IMMP2L: variants seen among roughly 807,000 people sequenced by gnomAD.
The protein encoded by IMMP2L is inner mitochondrial membrane peptidase subunit 2.
In IMMP2L, 18 loss-of-function variants were observed where a neutral mutation model predicts 19.3. The observed-to-expected ratio is 0.93, with a 90% CI of 0.64 to 1.38. IMMP2L has a LOEUF of 1.38. IMMP2L is among the 40% of genes most tolerant of loss of function. IMMP2L has a pLI of 0.00. For synonymous variants in IMMP2L, 76 were observed against 73.0 expected, an observed-to-expected ratio of 1.04 and a Z score of -0.21; for missense variants, 233 against 218.2, an observed-to-expected ratio of 1.07 and a Z score of -0.43.
At chr7:111,251,460 C>G (rs536190637) in intron 3 of IMMP2L, among the ~76,000 whole-genome samples, 1 of 152,132 alleles carries the variant, frequency 6.6e-6, no homozygotes, top group Non-Finnish European at 1.5e-5. Context: ...CACATATGTT[C>G]CATGCAGCAC....
chr7:111,425,886 A>G (rs1291584460), intron 3 of IMMP2L, among the ~76,000 whole-genome samples: 1 of 151,290 alleles, frequency 6.6e-6, no homozygotes, highest in Non-Finnish European at 1.5e-5. Context: ...AATCAAACAT[A>G]TAATTTATTC....
chr7:111,283,931 A>G (rs944512525), intron 3 of IMMP2L, among the ~76,000 whole-genome samples: 1 of 142,878 alleles, frequency 7.0e-6, no homozygotes, highest in Admixed American at 7.3e-5. Context: ...AGATCCCGCC[A>G]CTGCACTCCA....
chr7:110,882,909 C>T (rs1462902904), intron 5 of IMMP2L, among the ~76,000 whole-genome samples: 1 of 151,936 alleles, frequency 6.6e-6, no homozygotes, highest in South Asian at 2.1e-4. Flanking sequence ...ACATGTAACT[C>T]TTATTTCTCC....
intron 1 of IMMP2L, among the ~76,000 whole-genome samples, chr7:111,551,462 A>AGTATGTTAG (rs1849445085): frequency 2.0e-5 from 3 of 151,082 alleles, no homozygotes; most frequent in African/African-American, 7.3e-5. Context: ...AGTAACAAAT[A>AGTATGTTAG]GTATGTTAGG....
At chr7:111,448,028 C>T (rs1260624535) in intron 3 of IMMP2L, among the ~76,000 whole-genome samples, 2 of 144,300 alleles carry the variant, frequency 1.4e-5, no homozygotes, top group African/African-American at 5.5e-5. Flanking sequence ...TATATATGCA[C>T]CCAATACAGG....
rs572936789 is a variant in IMMP2L, at chr7:110,998,429, A to G, written c.240-34864T>C. Among the ~76,000 whole-genome samples, 5 of 152,328 alleles carry G rather than the reference A, an allele frequency of 3.3e-5. No homozygotes were observed. The South Asian group carries it at 6.2e-4, about 19-fold the overall frequency. ...GAATGAAGAGAAGATAGAGTTTTCT[A>G]GCACAAGGCAGATGATTCTCTTGCT... is the stretch of plus-strand genomic sequence containing the variant. On this transcript the variant is annotated intron_variant, in intron 3 of 5. Transcript: ENST00000405709.
chr7:111,083,652 G>C (rs1329159983), intron 3 of IMMP2L, among the ~76,000 whole-genome samples: 1 of 152,158 alleles, frequency 6.6e-6, no homozygotes, highest in African/African-American at 2.4e-5. Flanking sequence ...ACCAACCCCA[G>C]TTTCCTCTTC....
intron 4 of IMMP2L, among the ~76,000 whole-genome samples, chr7:110,932,518 G>C (rs947466792): frequency 5.9e-5 from 9 of 151,896 alleles, no homozygotes; most frequent in Admixed American, 2.6e-4. Context: ...CATGCCAGGT[G>C]ATTTTTTTGT....
At chr7:111,128,400 G>GT (rs1801522778) in intron 3 of IMMP2L, among the ~76,000 whole-genome samples, 1 of 152,118 alleles carries the variant, frequency 6.6e-6, no homozygotes, top group African/African-American at 2.4e-5. Flanking sequence ...AAAATACAAG[G>GT]TTTTTTTCTT....
At chr7:111,173,005 C>T (rs1586681788) in intron 3 of IMMP2L, among the ~76,000 whole-genome samples, 1 of 151,594 alleles carries the variant, frequency 6.6e-6, no homozygotes, top group East Asian at 1.9e-4. Context: ...ACTGCTATTG[C>T]ACCACATGCT....
chr7:111,503,972 G>A (rs2132479252), intron 2 of IMMP2L, among the ~76,000 whole-genome samples: 1 of 152,144 alleles, frequency 6.6e-6, no homozygotes, highest in African/African-American at 2.4e-5. Flanking sequence ...TCTGGCCAGT[G>A]CAATCAGGCA....
At chr7:111,054,837 G>A (rs906655688) in intron 3 of IMMP2L, among the ~76,000 whole-genome samples, 7 of 152,068 alleles carry the variant, frequency 4.6e-5, no homozygotes, top group Admixed American at 1.3e-4. Context: ...ATGTCTTCCC[G>A]ATGTGATAAA....
At chr7:111,071,067 C>A (rs1206474096) in intron 3 of IMMP2L, among the ~76,000 whole-genome samples, 2 of 151,898 alleles carry the variant, frequency 1.3e-5, no homozygotes, top group Non-Finnish European at 2.9e-5. Flanking sequence ...AGGACTTGAA[C>A]AGACATTTAT....
At chr7:111,153,696 G>A (rs1804322170) in intron 3 of IMMP2L, among the ~76,000 whole-genome samples, 1 of 151,922 alleles carries the variant, frequency 6.6e-6, no homozygotes. Flanking sequence ...AGGAAAAAAG[G>A]TACTCACCTT....
chr7:110,848,664 T>C (rs1805905376), intron 5 of IMMP2L, among the ~76,000 whole-genome samples: 1 of 152,144 alleles, frequency 6.6e-6, no homozygotes, highest in Non-Finnish European at 1.5e-5. Flanking sequence ...CAACATGTCT[T>C]TCAGCAGGTA....
intron 3 of IMMP2L, among the ~76,000 whole-genome samples, chr7:111,113,259 T>G (rs1799456607): frequency 6.6e-6 from 1 of 152,236 alleles, no homozygotes; most frequent in Non-Finnish European, 1.5e-5. Context: ...CAAACTGAGT[T>G]AATCAAGGAA....
At chr7:110,669,079 G>GTATATA (rs1791694264) in intron 5 of IMMP2L, among the ~76,000 whole-genome samples, 3 of 84,806 alleles carry the variant, frequency 3.5e-5, no homozygotes, top group Admixed American at 1.1e-4. Context: ...GTGTGTGTGT[G>GTATATA]TGTGTGTGTG....
intron 3 of IMMP2L, among the ~76,000 whole-genome samples, chr7:110,978,567 T>C (rs928424868): frequency 2.6e-5 from 4 of 152,050 alleles, no homozygotes; most frequent in Admixed American, 6.5e-5. Context: ...GAAAAATTGA[T>C]GGTGACATTC....
intron 4 of IMMP2L, among the ~76,000 whole-genome samples, chr7:110,953,343 T>C (rs1285582514): frequency 6.9e-6 from 1 of 144,630 alleles, no homozygotes; most frequent in African/African-American, 2.6e-5. Context: ...CAGGCCCCAG[T>C]GTGTGATGTT....
Sources: allele counts gnomAD v4.1 joint callset (sites outside exome capture counted in the v4.1 genomes callset), GRCh38; gene constraint gnomAD v4.1.1; transcripts MANE v1.5; gene names NCBI Gene and HGNC (gene_info 2026-07-23, HGNC 2026-07-21).